Variants in CABIN1 observed in about 807,000 individuals in gnomAD.
CABIN1 encodes calcineurin-binding protein cabin-1.
A neutral mutation model predicts 227.7 loss-of-function variants in CABIN1; 133 were observed. That is an observed-to-expected ratio of 0.58 (90% CI 0.51 to 0.67). The LOEUF (loss-of-function observed/expected upper bound fraction) is 0.67, where lower values mean the gene tolerates loss of function less well. Among genes scored for constraint, CABIN1 ranks in the 30% least tolerant of loss-of-function variants. The probability of loss-of-function intolerance (pLI) is 0.00; values close to 1 mark genes in which losing one functional copy is unlikely to be tolerated. For synonymous variants in CABIN1, 1,086 were observed against 1,155.1 expected, an observed-to-expected ratio of 0.94 and a Z score of 1.21; for missense variants, 2,408 against 2,852.5, an observed-to-expected ratio of 0.84 and a Z score of 3.55.
At chr22:24,040,455 T>G (rs1601735116) in intron 4 of CABIN1, among the ~76,000 whole-genome samples, 1 of 152,196 alleles carries the variant, frequency 6.6e-6, no homozygotes, top group Non-Finnish European at 1.5e-5. Flanking sequence ...TAGAAAATGT[T>G]TTAGTCTTTG....
At chr22:24,114,847 T>C (rs2042998126) in intron 27 of CABIN1, among the ~76,000 whole-genome samples, 1 of 152,148 alleles carries the variant, frequency 6.6e-6, no homozygotes, top group Non-Finnish European at 1.5e-5. Flanking sequence ...ACATCTCCAG[T>C]AGATTGGAAG....
intron 5 of CABIN1, 64 bp from the exon 6 acceptor site, chr22:24,042,840 G>GTGTGTGTTTGCCCTCTGCT (rs2037511316): frequency 1.4e-6 from 1 of 722,290 alleles, no homozygotes; most frequent in African/African-American, 1.8e-5. Context: ...GTGTGTGTGT[G>GTGTGTGTTTGCCCTCTGCT]TGTGTGTGTG....
At chr22:24,168,152 C>T (rs1262651597) in intron 32 of CABIN1, among the ~76,000 whole-genome samples, 3 of 152,246 alleles carry the variant, frequency 2.0e-5, no homozygotes, top group Non-Finnish European at 4.4e-5. Flanking sequence ...AGAGGAACAG[C>T]TGGGTCCAAT....
intron 28 of CABIN1, among the ~76,000 whole-genome samples, chr22:24,123,624 G>A (rs1054071938): frequency 3.3e-5 from 5 of 152,242 alleles, no homozygotes; most frequent in Admixed American, 2.6e-4. Flanking sequence ...GGGGCTGCAT[G>A]TGGCTCTGCC....
At chr22:24,052,602 C>A (rs2038427260) in intron 8 of CABIN1, among the ~76,000 whole-genome samples, 1 of 151,408 alleles carries the variant, frequency 6.6e-6, no homozygotes, top group Non-Finnish European at 1.5e-5. Context: ...CCAGCCTGGG[C>A]AGCATAGTGA....
chr22:24,101,467 C>T (rs376378224), intron 26 of CABIN1, among the ~76,000 whole-genome samples: 43 of 152,342 alleles, frequency 2.8e-4, no homozygotes, highest in African/African-American at 9.6e-4. Flanking sequence ...GAATCAGCCC[C>T]TCAGGTCACT....
intron 28 of CABIN1, among the ~76,000 whole-genome samples, chr22:24,132,055 C>T (rs2044107295): frequency 6.8e-6 from 1 of 147,046 alleles, no homozygotes; most frequent in Admixed American, 6.9e-5. Flanking sequence ...GAGTGACACT[C>T]TGTCTCCAAA....
At chr22:24,154,018 C>A (rs890244586) in intron 29 of CABIN1, among the ~76,000 whole-genome samples, 4 of 152,182 alleles carry the variant, frequency 2.6e-5, no homozygotes, top group Non-Finnish European at 4.4e-5. Context: ...CACCTATCCA[C>A]TCTACTCTTT....
At position 24,172,011 on chromosome 22, in the gene CABIN1, G is replaced by C. The variant is rs778251444; in HGVS notation, c.6040+16G>C. ...CTGGGCCCAGGTGAGTCCCATCCCA[G>C]TCCAGAGCTGGGCCCAGGCCCCTGC... On this transcript the variant is annotated intron_variant, in intron 34 of 36. Coordinates refer to ENST00000263119, the MANE Select transcript of CABIN1 (RefSeq NM_012295.4). 2 of 1,605,014 alleles carry C rather than the reference G, an allele frequency of 1.2e-6. No individual in the cohort carries two copies.
chr22:24,117,119 G>A (rs988214163), intron 27 of CABIN1, among the ~76,000 whole-genome samples: 2 of 152,188 alleles, frequency 1.3e-5, no homozygotes, highest in African/African-American at 4.8e-5. Context: ...TTCAGCAGTG[G>A]GAGTGGATGC....
At chr22:24,048,826 A>C (rs1278056711) in intron 6 of CABIN1, among the ~76,000 whole-genome samples, 2 of 152,172 alleles carry the variant, frequency 1.3e-5, no homozygotes, top group Non-Finnish European at 2.9e-5. Flanking sequence ...CAGGTCATCG[A>C]GGATCTGTGT....
chr22:24,093,783 G>A (rs1207114415), intron 24 of CABIN1, among the ~76,000 whole-genome samples: 2 of 151,840 alleles, frequency 1.3e-5, no homozygotes, highest in East Asian at 3.9e-4. Context: ...GGAGGCCGAG[G>A]TGGGAGGATT....
chr22:24,177,528 G>A lies in CABIN1; in HGVS notation c.6230G>A (p.Arg2077Lys). The A allele has an allele frequency of 1.3e-6, 2 of 1,547,354 alleles. No homozygotes were observed. Among genetic ancestry groups the A allele is most frequent in the Non-Finnish European group, 1.7e-6 (2 of 1,144,710 alleles). The change falls in exon 36 of 37, where the codon AGA becomes AAA. Residue 2077 changes from arginine (R) to lysine (K), a missense_variant. Coordinates refer to ENST00000263119, the MANE Select transcript of CABIN1 (RefSeq NM_012295.4). This position sits in a 1 kb window ranked among gnomAD's most constrained non-coding sequence, Gnocchi z 4.4. ...SQEGKLRPEP[R>K]RDGEAQEAAS... The stretch of plus-strand genomic sequence containing the variant: ...GAGGGGAAACTGAGGCCTGAGCCGA[G>A]AAGGGATGGGGAGGCTCAGGAGGCT...
rs115925118 is a variant in CABIN1, at chr22:24,177,182, A to T, written c.6206-322A>T. On this transcript the variant is annotated intron_variant, in intron 35 of 36. Transcript: ENST00000263119. This position sits in a 1 kb window ranked among gnomAD's most constrained non-coding sequence, Gnocchi z 4.4. ...CATGCATCCTAGGATGGTTGTGGAAATACGACAGTTCATGCAAGCATGATG... is the reference window on the plus strand; with the variant it reads ...CATGCATCCTAGGATGGTTGTGGAATTACGACAGTTCATGCAAGCATGATG... 0.013 allele frequency among the ~76,000 whole-genome samples: 1,947 copies of T among 152,326 alleles called. 35 individuals are homozygous for T. The highest frequency in any genetic ancestry group is 0.045 in the African/African-American group (1,858 of 41,558).
intron 8 of CABIN1, among the ~76,000 whole-genome samples, chr22:24,052,653 TG>T (rs760739570): frequency 1.3e-5 from 2 of 151,756 alleles, no homozygotes; most frequent in Non-Finnish European, 2.9e-5. Context: ...TAGCCAGATA[TG>T]GTGGCACACA....
intron 6 of CABIN1, among the ~76,000 whole-genome samples, chr22:24,047,113 A>G (rs993460950): frequency 3.9e-5 from 6 of 152,182 alleles, no homozygotes; most frequent in Non-Finnish European, 7.3e-5. Flanking sequence ...ATATTTGGCC[A>G]AAGTCTGGAT....
intron 26 of CABIN1, among the ~76,000 whole-genome samples, chr22:24,109,962 G>C (rs897982114): frequency 6.6e-6 from 1 of 152,188 alleles, no homozygotes; most frequent in Non-Finnish European, 1.5e-5. Flanking sequence ...CTGAGGTCAG[G>C]AGTTTGAGAC....
chr22:24,087,696 C>A lies in CABIN1; in HGVS notation c.3508C>A (p.Pro1170Thr). 6.2e-7 allele frequency: 1 copy of A among 1,613,962 alleles called. No individual in the cohort carries two copies. The highest frequency in any genetic ancestry group is 8.5e-7 in the Non-Finnish European group (1 of 1,180,038). The change falls in exon 23 of 37, where the codon CCT becomes ACT. Residue 1170 changes from proline to threonine, a missense_variant. Coordinates refer to ENST00000263119, the MANE Select transcript of CABIN1 (RefSeq NM_012295.4). ...GAAGCAGTGGAGAGGCGAGCTGCCCCCTGAGCTCGTGCAGCAGGTGAGGAG... is the reference window on the plus strand; with the variant it reads ...GAAGCAGTGGAGAGGCGAGCTGCCCACTGAGCTCGTGCAGCAGGTGAGGAG... The part of the protein sequence containing the change: ...QLKQWRGELP[P>T]ELVQQMEGRR...
intron 29 of CABIN1, among the ~76,000 whole-genome samples, chr22:24,141,114 G>T (rs2044730748): frequency 6.6e-6 from 1 of 152,248 alleles, no homozygotes; most frequent in South Asian, 2.1e-4. Flanking sequence ...GGATCCTAGA[G>T]GCCAGTGCTA....
Sources: allele counts gnomAD v4.1 joint callset (sites outside exome capture counted in the v4.1 genomes callset), GRCh38; gene constraint gnomAD v4.1.1; non-coding constraint Gnocchi (gnomAD v3.1); transcripts MANE v1.5; gene names NCBI Gene and HGNC (gene_info 2026-07-23, HGNC 2026-07-21).